Variants in ACTR8 observed in about 807,000 individuals in gnomAD.
The protein encoded by ACTR8 is actin-related protein 8.
Under a neutral mutation model 84.3 loss-of-function variants are expected in ACTR8, and 70 were observed. The observed-to-expected ratio is 0.83, with a 90% CI of 0.68 to 1.01. The LOEUF is 1.01. Among genes scored for constraint, ACTR8 ranks in the 50% least tolerant of loss-of-function variants. ACTR8 has a pLI of 0.00. For synonymous variants in ACTR8, 268 were observed against 275.2 expected (o/e 0.97, Z 0.26); for missense variants, 672 against 775.4 (o/e 0.87, Z 1.58).
At chr3:53,865,601 A>T (rs1699758722), downstream of ACTR8, 2 of 346,484 alleles carry the variant, frequency 5.8e-6, no homozygotes, top group Admixed American at 9.0e-5. Flanking sequence ...CCAAACATCT[A>T]GTCTTCCATA....
chr3:53,865,525 AAATC>A (rs1164468462), downstream of ACTR8: 1 of 511,450 alleles, frequency 2.0e-6, no homozygotes, highest in Admixed American at 3.6e-5. Context: ...TTATACATAG[AAATC>A]AATTACAGTT....
chr3:53,877,049 G>GA (rs1699985080), intron 5 of ACTR8, among the ~76,000 whole-genome samples, 165 bp downstream of exon 5: 1 of 150,746 alleles, frequency 6.6e-6, no homozygotes, highest in Non-Finnish European at 1.5e-5. Flanking sequence ...CACCAGAAGG[G>GA]AATTAAGTGA....
At chr3:53,880,145 A>T in intron 1 of ACTR8, 36 bp from the exon 2 acceptor site, 1 of 1,587,902 alleles carries the variant, frequency 6.3e-7, no homozygotes, top group Non-Finnish European at 8.6e-7. Context: ...GACTTTGTAA[A>T]TAATATGCAG....
downstream of ACTR8, among the ~76,000 whole-genome samples, chr3:53,862,475 G>A (rs997882429): frequency 6.6e-6 from 1 of 152,212 alleles, no homozygotes; most frequent in African/African-American, 2.4e-5. Context: ...CAGATGATGT[G>A]CATGACTTCA....
intron 12 of ACTR8, 145 bp downstream of exon 12, chr3:53,869,837 G>A: frequency 1.1e-6 from 1 of 941,396 alleles, no homozygotes; most frequent in Non-Finnish European, 1.5e-6. Flanking sequence ...CCACATCTAT[G>A]GCTTGCTGAA....
At chr3:53,871,699 GTAGCTGCT>G (rs1193782982) in intron 10 of ACTR8, among the ~76,000 whole-genome samples, 6 of 152,204 alleles carry the variant, frequency 3.9e-5, no homozygotes, top group Non-Finnish European at 7.4e-5. Context: ...CCAAAGCAAG[GTAGCTGCT>G]GGTAGGCAGG....
chr3:53,870,110 TGGA>T lies in ACTR8; in HGVS notation c.1600_1602del (p.Ser534del). On this transcript the variant is annotated inframe_deletion, in exon 12 of 13. Coordinates refer to ENST00000335754, the MANE Select transcript of ACTR8 (RefSeq NM_022899.5). This position sits in a 1 kb window ranked among gnomAD's most constrained non-coding sequence, Gnocchi z 4.1. The stretch of plus-strand genomic sequence containing the variant: ...ATCAAACCACCTCCCACCACTAGGA[TGGA>T]GCTGTACATCTTCTTTTTGGTGTCG... 6.2e-7 allele frequency: 1 copy of T among 1,614,192 alleles called. No homozygotes were observed. Among genetic ancestry groups the T allele is most frequent in the Non-Finnish European group, 8.5e-7 (1 of 1,180,004 alleles).
At position 53,868,661 on chromosome 3, in the gene ACTR8, G is replaced by T; in HGVS notation, c.*58C>A. The stretch of plus-strand genomic sequence containing the variant: ...AAATTACAATACACATATTCTGTAA[G>T]AGTCTTTTATACCAAGAAGCTTGTT... On this transcript the variant is annotated 3_prime_UTR_variant, in exon 13 of 13. Transcript: ENST00000335754. 4 of 1,590,630 alleles carry T rather than the reference G, an allele frequency of 2.5e-6. No individual in the cohort carries two copies. The highest frequency in any genetic ancestry group is 3.4e-6 in the Non-Finnish European group (4 of 1,169,180).
Position 53,873,059 on chromosome 3 carries a change from C to G in ACTR8, c.1134G>C (p.Gln378His). ...RHPDSPALLYQFRLGDEKLQA... is the reference protein window; with the variant it reads ...RHPDSPALLYHFRLGDEKLQA... ...GCAGTTTTTCATCTCCTAATCGAAA[C>G]TGGTAAAGCAGGGCAGGAGAATCAG... Residue 378 changes from glutamine (Q) to histidine (H), a missense_variant, in exon 9 of 13, where the codon CAG (glutamine) becomes CAC (histidine). Physicochemically the swap from Gln to His is conservative, Grantham distance 24. Transcript: ENST00000335754. 2 of 1,611,442 alleles carry G rather than the reference C, an allele frequency of 1.2e-6. No individual in the cohort carries two copies. The highest frequency in any genetic ancestry group is 1.7e-6 in the Non-Finnish European group (2 of 1,178,414).
intron 2 of ACTR8, among the ~76,000 whole-genome samples, chr3:53,879,199 A>AT (rs1455738452): frequency 6.6e-6 from 1 of 152,228 alleles, no homozygotes; most frequent in African/African-American, 2.4e-5. Flanking sequence ...AAGTAGAATT[A>AT]TAAGATCCAA....
rs75343153 is a variant in ACTR8, at chr3:53,880,575, T to C, written c.124-466A>G. 8.3e-4 allele frequency among the ~76,000 whole-genome samples: 126 copies of C among 152,348 alleles called. 1 individual carries two copies. The East Asian group carries it at 0.024, about 29-fold the overall frequency. On this transcript the variant is annotated intron_variant, in intron 1 of 12. Coordinates refer to ENST00000335754, the MANE Select transcript of ACTR8 (RefSeq NM_022899.5). The stretch of plus-strand genomic sequence containing the variant: ...TGGGCCACAGGAAGCATTCGAGGAA[T>C]GTTGGCTCTTACTATAGTAAAGCCT...
chr3:53,866,373 C>A (rs930222890), downstream of ACTR8, among the ~76,000 whole-genome samples: 1 of 152,098 alleles, frequency 6.6e-6, no homozygotes, highest in African/African-American at 2.4e-5. Context: ...GAGAGCAGAC[C>A]CTGTCTAAAA....
In ACTR8 at chr3:53,868,424, A is replaced by T. The variant is rs1010879142; in HGVS notation, c.*295T>A. 12 of 305,182 alleles carry T rather than the reference A, an allele frequency of 3.9e-5. No individual in the cohort carries two copies. The highest frequency in any genetic ancestry group is 6.6e-5 in the Non-Finnish European group (11 of 166,182). The allele number at this position is 305,182 out of a possible 1,614,324, so 18.9% of individuals were successfully genotyped here. On this transcript the variant is annotated 3_prime_UTR_variant, in exon 13 of 13. Transcript: ENST00000335754. ...TAAATGAAGGGCTTCACCACATGAG[A>T]ACCTTCAATAGCAACGTTTACATCA...
At position 53,875,931 on chromosome 3, in the gene ACTR8, C is replaced by T; in HGVS notation, c.911+17G>A. ...AGGGAAGAGGAAACAGGGAATGCCACCTTCCAAGTTCCTTACCGAGTATTC... is the reference window on the plus strand; with the variant it reads ...AGGGAAGAGGAAACAGGGAATGCCATCTTCCAAGTTCCTTACCGAGTATTC... On this transcript the variant is annotated intron_variant, in intron 7 of 12. Coordinates refer to ENST00000335754, the MANE Select transcript of ACTR8 (RefSeq NM_022899.5). 6.2e-7 allele frequency: 1 copy of T among 1,614,024 alleles called. No homozygotes were observed. The highest frequency in any genetic ancestry group is 1.1e-5 in the South Asian group (1 of 91,074).
chr3:53,871,615 A>G lies in ACTR8; in HGVS notation c.1303-119T>C. 2.6e-6 allele frequency: 3 copies of G among 1,145,386 alleles called. No homozygotes were observed. In the South Asian group the frequency reaches 4.4e-5, roughly 17 times the overall value. 71.0% of individuals were successfully genotyped at this position (1,145,386 alleles called of 1,614,324 possible). A position where few individuals can be genotyped will look rare whatever the true frequency, so the allele number is the denominator to read the frequency against. ...AAAACAAAAGCCACACAGCAATACA[A>G]CAACTGCCCAGCACCCATTCCCAGG... On this transcript the variant is annotated intron_variant, in intron 10 of 12. Coordinates refer to ENST00000335754, the MANE Select transcript of ACTR8 (RefSeq NM_022899.5).
chr3:53,876,386 G>C (rs1197366610), intron 6 of ACTR8, among the ~76,000 whole-genome samples: 1 of 152,038 alleles, frequency 6.6e-6, no homozygotes, highest in South Asian at 2.1e-4. Flanking sequence ...GGGCATGGTG[G>C]CGGGTGCCTG....
At position 53,871,474 on chromosome 3, in the gene ACTR8, C is replaced by T. The variant is rs755899953; in HGVS notation, c.1325G>A (p.Arg442Gln). 6.2e-6 allele frequency: 10 copies of T among 1,614,022 alleles called. No individual in the cohort carries two copies. Among genetic ancestry groups the T allele is most frequent in the Admixed American group, 1.7e-5 (1 of 60,014 alleles). ...TCCAATAGGTTTGGATGCAGACTTT[C>T]GGTCAGCAGTAGCTTTTGCAGACTT... ...QEQSAKATAD[R>Q]KSASKPIGFE... Residue 442 changes from arginine to glutamine, a missense_variant, in exon 11 of 13, where the codon CGA becomes CAA. Arg to Gln is a conservative substitution (Grantham distance 43). Coordinates refer to ENST00000335754, the MANE Select transcript of ACTR8 (RefSeq NM_022899.5).
At chr3:53,878,308 T>C (rs1700005563) in intron 3 of ACTR8, 49 bp downstream of exon 3, 2 of 1,318,044 alleles carry the variant, frequency 1.5e-6, no homozygotes, top group South Asian at 2.4e-5. Flanking sequence ...AATGGTATTA[T>C]GATACCAATA....
chr3:53,881,286 C>T (rs1319624018), intron 1 of ACTR8, among the ~76,000 whole-genome samples: 1 of 152,222 alleles, frequency 6.6e-6, no homozygotes, highest in Non-Finnish European at 1.5e-5. Flanking sequence ...GTGAATTGTA[C>T]ACTGCCTGTG....
Sources: allele counts gnomAD v4.1 joint callset (sites outside exome capture counted in the v4.1 genomes callset), GRCh38; gene constraint gnomAD v4.1.1; non-coding constraint Gnocchi (gnomAD v3.1); transcripts MANE v1.5; gene names NCBI Gene and HGNC (gene_info 2026-07-23, HGNC 2026-07-21).